Variants in TBC1D5 observed in about 807,000 individuals in gnomAD.
The protein encoded by TBC1D5 is TBC1 domain family member 5.
In TBC1D5, 75 loss-of-function variants were observed where a neutral mutation model predicts 100.3. The ratio of observed to expected loss-of-function variants is 0.75; its 90% CI spans 0.62 to 0.91. The LOEUF is 0.91. TBC1D5 is among the 40% of genes least tolerant of loss of function. The probability of loss-of-function intolerance (pLI) is 0.00; values close to 1 mark genes in which losing one functional copy is unlikely to be tolerated. For missense variants in TBC1D5, 910 were observed against 942.4 expected, an observed-to-expected ratio of 0.97 and a Z score of 0.45; for synonymous variants, 323 against 325.6, an observed-to-expected ratio of 0.99 and a Z score of 0.09.
chr3:17,548,159 C>T (rs1164187026), intron 2 of TBC1D5, among the ~76,000 whole-genome samples: 1 of 151,874 alleles, frequency 6.6e-6, no homozygotes, highest in Non-Finnish European at 1.5e-5. Context: ...ATTAAAAACG[C>T]AAAAAATCAG....
chr3:17,428,559 A>G (rs757242737), intron 3 of TBC1D5, 40 bp from the exon 4 acceptor site: 5 of 1,167,010 alleles, frequency 4.3e-6, no homozygotes, highest in Admixed American at 5.1e-5. Context: ...ATGGAGATAA[A>G]CTGAATATTT....
chr3:17,577,514 A>T (rs1436720434), intron 2 of TBC1D5, among the ~76,000 whole-genome samples: 1 of 151,958 alleles, frequency 6.6e-6, no homozygotes, highest in Non-Finnish European at 1.5e-5. Context: ...AGAAATTTTT[A>T]AAAACTTATC....
chr3:17,709,192 G>A (rs1402880315), intron 1 of TBC1D5, among the ~76,000 whole-genome samples: 6 of 152,006 alleles, frequency 3.9e-5, no homozygotes, highest in African/African-American at 9.7e-5. Flanking sequence ...TAAATAACTC[G>A]CTTCAAATCT....
intron 2 of TBC1D5, among the ~76,000 whole-genome samples, chr3:17,541,247 G>T (rs1294470477): frequency 2.7e-5 from 4 of 150,250 alleles, no homozygotes; most frequent in African/African-American, 9.8e-5. Flanking sequence ...CACCAAATCT[G>T]TAGATTGCTT....
At chr3:17,561,824 G>C (rs2096561045) in intron 2 of TBC1D5, among the ~76,000 whole-genome samples, 1 of 152,094 alleles carries the variant, frequency 6.6e-6, no homozygotes, top group Non-Finnish European at 1.5e-5. Context: ...GAGCACAAGA[G>C]GAACGATCTC....
intron 2 of TBC1D5, among the ~76,000 whole-genome samples, chr3:17,509,774 T>A (rs2095881976): frequency 6.6e-6 from 1 of 152,040 alleles, no homozygotes; most frequent in South Asian, 2.1e-4. Flanking sequence ...AATGTATCTG[T>A]ATCTCCAGTA....
intron 21 of TBC1D5, among the ~76,000 whole-genome samples, chr3:17,162,991 T>C (rs965173430): frequency 1.3e-5 from 2 of 152,196 alleles, no homozygotes; most frequent in Non-Finnish European, 2.9e-5. Context: ...TAAAAGAGCA[T>C]GTTTAGCAGG....
At chr3:17,285,070 A>G (rs1311815920) in intron 15 of TBC1D5, among the ~76,000 whole-genome samples, 1 of 152,016 alleles carries the variant, frequency 6.6e-6, no homozygotes, top group Non-Finnish European at 1.5e-5. Flanking sequence ...AAAAAAAAAA[A>G]AAGATGAAAA....
Position 17,292,398 on chromosome 3 carries a change from GA to G in TBC1D5, c.1139-398del, listed in dbSNP as rs200646750. On this transcript the variant is annotated intron_variant, in intron 14 of 21. Transcript: ENST00000253692. The stretch of plus-strand genomic sequence containing the variant: ...AAAAGAACCAGTTTAAGATTTTCAT[GA>G]AATAATATTTACCTTATTATGCATT... Among the ~76,000 whole-genome samples the G allele has an allele frequency of 1.8e-3, 235 of 129,682 alleles. No individual in the cohort carries two copies. The East Asian group carries it at 0.038, about 21-fold the overall frequency. 85.1% of individuals were successfully genotyped at this position (129,682 alleles called of 152,430 possible).
At chr3:17,260,903 T>C (rs1197347528) in intron 15 of TBC1D5, among the ~76,000 whole-genome samples, 1 of 152,268 alleles carries the variant, frequency 6.6e-6, no homozygotes, top group Non-Finnish European at 1.5e-5. Flanking sequence ...TACTTCACAT[T>C]GTTCCTTTTG....
At chr3:17,412,259 G>T (rs1379793072) in intron 4 of TBC1D5, among the ~76,000 whole-genome samples, 4 of 151,578 alleles carry the variant, frequency 2.6e-5, no homozygotes, top group African/African-American at 9.7e-5. Flanking sequence ...GAGTAGAAAT[G>T]ATTACTGCAA....
intron 2 of TBC1D5, among the ~76,000 whole-genome samples, chr3:17,544,378 C>A (rs951144981): frequency 1.3e-5 from 2 of 152,150 alleles, no homozygotes; most frequent in Admixed American, 6.5e-5. Flanking sequence ...CTCGGCCGGG[C>A]GCACTGGCTC....
At chr3:17,186,710 C>CAAAAAAAAAA (rs58438478) in intron 18 of TBC1D5, among the ~76,000 whole-genome samples, 15 of 27,272 alleles carry the variant, frequency 5.5e-4, no homozygotes, top group Admixed American at 1.7e-3. Context: ...ACTCTATCTC[C>CAAAAAAAAAA]AAAAAAAAAA....
chr3:17,282,749 T>G (rs894952743), intron 15 of TBC1D5, among the ~76,000 whole-genome samples: 1 of 152,194 alleles, frequency 6.6e-6, no homozygotes, highest in South Asian at 2.1e-4. Context: ...TTACACACAA[T>G]AAAGCTAAAT....
chr3:17,697,527 G>C (rs1441104340), intron 1 of TBC1D5, among the ~76,000 whole-genome samples: 2 of 152,080 alleles, frequency 1.3e-5, no homozygotes, highest in African/African-American at 4.8e-5. Context: ...AGAATAAAAT[G>C]CCTAAGAATC....
At chr3:17,193,860 T>C (rs1170921525) in intron 18 of TBC1D5, among the ~76,000 whole-genome samples, 2 of 152,222 alleles carry the variant, frequency 1.3e-5, no homozygotes, top group African/African-American at 2.4e-5. Context: ...ACAGAAGGTG[T>C]TCTATAACTA....
chr3:17,387,936 A>G (rs956879982), intron 8 of TBC1D5, among the ~76,000 whole-genome samples: 1 of 152,032 alleles, frequency 6.6e-6, no homozygotes, highest in Admixed American at 6.6e-5. Flanking sequence ...AGAAAGGAAA[A>G]AAATCACATT....
intron 15 of TBC1D5, among the ~76,000 whole-genome samples, chr3:17,283,579 G>A (rs1194895995): frequency 6.6e-6 from 1 of 151,992 alleles, no homozygotes; most frequent in Non-Finnish European, 1.5e-5. Flanking sequence ...ACCATGTGAC[G>A]GCCAAGAGGT....
chr3:17,634,331 A>T (rs552497689), intron 1 of TBC1D5, among the ~76,000 whole-genome samples: 1 of 152,350 alleles, frequency 6.6e-6, no homozygotes, highest in South Asian at 2.1e-4. Flanking sequence ...CTAAGTTTCC[A>T]TCAACAGATG....
Sources: gnomAD v4.1 joint callset for allele counts (sites outside exome capture counted in the v4.1 genomes callset) on GRCh38, gnomAD v4.1.1 for gene constraint, MANE v1.5 for transcripts, NCBI Gene and HGNC (gene_info 2026-07-23, HGNC 2026-07-21) for gene names.